The following SIPA1L3 variants were observed in gnomAD, a reference collection of about 807,000 sequenced individuals.
SIPA1L3 encodes the protein signal-induced proliferation-associated 1-like protein 3.
SIPA1L3 carries 59 observed loss-of-function variants against 150.1 expected under a neutral mutation model. That is an observed-to-expected ratio of 0.39 (90% CI 0.32 to 0.49). SIPA1L3 has a LOEUF of 0.49. Ranked by LOEUF, SIPA1L3 falls within the 20% of genes least tolerant of loss-of-function variation. The pLI is 0.86. For synonymous variants in SIPA1L3, 1,070 were observed against 1,077.6 expected (o/e 0.99, Z 0.14); for missense variants, 2,211 against 2,489.5 (o/e 0.89, Z 2.38).
intron 1 of SIPA1L3, among the ~76,000 whole-genome samples, chr19:37,978,755 A>G (rs920332818): frequency 3.3e-5 from 5 of 151,678 alleles, no homozygotes; most frequent in Admixed American, 2.6e-4. Flanking sequence ...CGGGAGGATC[A>G]CTGGAGTCCA....
chr19:37,960,489 C>T (rs950603638), intron 1 of SIPA1L3, among the ~76,000 whole-genome samples: 1 of 151,650 alleles, frequency 6.6e-6, no homozygotes, highest in Non-Finnish European at 1.5e-5. Context: ...CTGCAAGCTC[C>T]GCCTGCTGGG....
At chr19:38,098,392 A>AT (rs71179411) in intron 4 of SIPA1L3, among the ~76,000 whole-genome samples, 4,608 of 113,664 alleles carry the variant, frequency 0.041, 259 homozygotes, top group African/African-American at 0.12. Flanking sequence ...AGGGGCTTTC[A>AT]TTTTTTTTTT....
intron 3 of SIPA1L3, among the ~76,000 whole-genome samples, chr19:38,088,030 C>T (rs1320096180): frequency 6.6e-6 from 1 of 152,106 alleles, no homozygotes; most frequent in Non-Finnish European, 1.5e-5. Context: ...AGAAAAAAAG[C>T]AGTGTTGAAG....
chr19:38,030,533 T>C (rs982049668), intron 2 of SIPA1L3, among the ~76,000 whole-genome samples: 1 of 151,362 alleles, frequency 6.6e-6, no homozygotes, highest in African/African-American at 2.4e-5. Flanking sequence ...AACCTAAAAA[T>C]TTAAATAAAT....
intron 16 of SIPA1L3, among the ~76,000 whole-genome samples, chr19:38,186,651 G>A (rs527313662): frequency 8.5e-4 from 126 of 147,784 alleles, no homozygotes; most frequent in African/African-American, 3.0e-3. Flanking sequence ...CACCGCACCC[G>A]GCCCCTTTTC....
intron 6 of SIPA1L3, among the ~76,000 whole-genome samples, 200 bp downstream of exon 6, chr19:38,101,426 T>G (rs1294302042): frequency 1.3e-5 from 2 of 152,156 alleles, no homozygotes; most frequent in Non-Finnish European, 2.9e-5. Context: ...TTGTTGTTTT[T>G]GAGACAGAGT....
rs966975913 is a variant in SIPA1L3 at position 38,078,208 on chromosome 19, C to T, written c.-310-3048C>T. Reference sequence around the variant, plus strand: ...TGTAGCCCATCCCTGTGCTGCCTCCCGGCAACATCTTCAGGATCGTTTGTG... The same window carrying T: ...TGTAGCCCATCCCTGTGCTGCCTCCTGGCAACATCTTCAGGATCGTTTGTG... On this transcript the variant is annotated intron_variant, in intron 2 of 21. Coordinates refer to ENST00000222345, the MANE Select transcript of SIPA1L3 (RefSeq NM_015073.3). Among the ~76,000 whole-genome samples, 30 of 152,200 alleles carry T rather than the reference C, an allele frequency of 2.0e-4. No homozygotes were observed. The South Asian group carries it at 6.0e-3, about 31-fold the overall frequency.
At chr19:38,074,217 G>A (rs1969786306) in intron 2 of SIPA1L3, among the ~76,000 whole-genome samples, 1 of 152,220 alleles carries the variant, frequency 6.6e-6, no homozygotes, top group Admixed American at 6.5e-5. Flanking sequence ...AGACTCGACT[G>A]CAGCTGCTAG....
At chr19:38,137,573 T>A (rs1232661299) in intron 10 of SIPA1L3, among the ~76,000 whole-genome samples, 1 of 152,060 alleles carries the variant, frequency 6.6e-6, no homozygotes, top group Non-Finnish European at 1.5e-5. Context: ...ATGCTGGGAT[T>A]ATAGGTGTGA....
Position 38,130,690 on chromosome 19 carries a change from G to A in SIPA1L3, c.3061G>A (p.Asp1021Asn), listed in dbSNP as rs150829300. 75 of 1,614,070 alleles carry A rather than the reference G, an allele frequency of 4.6e-5. No individual in the cohort carries two copies. Among genetic ancestry groups the A allele is most frequent in the Non-Finnish European group, 5.8e-5 (69 of 1,180,046 alleles). ...CKVAVVTLTH[D>N]QMIDLLRTSV... ...GGTGGCCGTGGTCACACTGACCCAC[G>A]ACCAGATGATCGACCTGCTGCGCAC... The change falls in exon 10 of 22, where the codon GAC becomes AAC. Residue 1021 changes from aspartate to asparagine, a missense_variant. Physicochemically the swap from Asp to Asn is conservative, Grantham distance 23. This residue lies in a region of SIPA1L3 where 625 missense variants were observed against 804.2 expected (regional missense o/e 0.78). Coordinates refer to ENST00000222345, the MANE Select transcript of SIPA1L3 (RefSeq NM_015073.3).
intron 9 of SIPA1L3, among the ~76,000 whole-genome samples, chr19:38,122,933 G>T (rs1019665238): frequency 6.6e-6 from 1 of 152,168 alleles, no homozygotes; most frequent in African/African-American, 2.4e-5. Context: ...CACGCGCTTT[G>T]CCTGCTTAAC....
Position 38,179,144 on chromosome 19 carries a change from T to C in SIPA1L3, c.4209-3375T>C, listed in dbSNP as rs544430663. Among the ~76,000 whole-genome samples the C allele has an allele frequency of 3.9e-5, 6 of 152,332 alleles. No individual in the cohort carries two copies. In the East Asian group the frequency reaches 9.6e-4, roughly 24 times the overall value. On this transcript the variant is annotated intron_variant, in intron 15 of 21. Coordinates refer to ENST00000222345, the MANE Select transcript of SIPA1L3 (RefSeq NM_015073.3). Reference sequence around the variant, plus strand: ...CCTTACTGCCTTATACTGTAGTAAATAAATACAGTTTCAGGCCGGATGTGG... The same window carrying C: ...CCTTACTGCCTTATACTGTAGTAAACAAATACAGTTTCAGGCCGGATGTGG...
Position 38,195,793 on chromosome 19 carries a change from TC to T in SIPA1L3, c.4840+2021del, listed in dbSNP as rs528922318. ...GAGTCAGGCACCACCACAGGCCCCG[TC>T]CCCCCCCGCCCCCCCGGGTTTCTCT... On this transcript the variant is annotated intron_variant, in intron 18 of 21. Transcript: ENST00000222345. Among the ~76,000 whole-genome samples the T allele has an allele frequency of 4.5e-4, 9 of 20,038 alleles. 1 individual carries two copies. The highest frequency in any genetic ancestry group is 2.4e-3 in the African/African-American group (8 of 3,374). 13.1% of individuals were successfully genotyped at this position (20,038 alleles called of 152,430 possible).
chr19:37,980,674 AC>A (rs36052216), intron 1 of SIPA1L3, among the ~76,000 whole-genome samples: 42,052 of 151,918 alleles, frequency 0.28, 6,899 homozygotes, highest in East Asian at 0.61. Flanking sequence ...CAATGGAGGA[AC>A]CGTGCCTTTA....
At chr19:37,976,955 C>T (rs146351584) in intron 1 of SIPA1L3, among the ~76,000 whole-genome samples, 4 of 152,216 alleles carry the variant, frequency 2.6e-5, no homozygotes, top group African/African-American at 7.2e-5. Context: ...CCATCTCAGC[C>T]GCCTGAGTAG....
chr19:37,918,321 G>A (rs60850160), intron 1 of SIPA1L3, among the ~76,000 whole-genome samples: 7 of 151,760 alleles, frequency 4.6e-5, no homozygotes, highest in Middle Eastern at 3.4e-3. Flanking sequence ...GTGCAGTGGC[G>A]CGATCTTGGC....
chr19:38,132,477 G>A (rs1450403291), intron 10 of SIPA1L3, among the ~76,000 whole-genome samples: 3 of 149,738 alleles, frequency 2.0e-5, no homozygotes, highest in African/African-American at 7.4e-5. Flanking sequence ...CCAGCTACTC[G>A]GGAGGCTGAG....
Position 38,201,566 on chromosome 19 carries a change from G to T in SIPA1L3, c.4985-296G>T, listed in dbSNP as rs556115134. Among the ~76,000 whole-genome samples, 10 of 152,318 alleles carry T rather than the reference G, an allele frequency of 6.6e-5. No homozygotes were observed. The South Asian group carries it at 8.3e-4, about 13-fold the overall frequency. On this transcript the variant is annotated intron_variant, in intron 19 of 21. Transcript: ENST00000222345. Reference sequence around the variant, plus strand: ...TGAGAGCACGCCAGGTTCGGAATCCGGTCGGTTGCTAGCTCGCACTCTCAT... The same window carrying T: ...TGAGAGCACGCCAGGTTCGGAATCCTGTCGGTTGCTAGCTCGCACTCTCAT...
At chr19:37,963,435 C>G (rs901110062) in intron 1 of SIPA1L3, among the ~76,000 whole-genome samples, 1 of 152,220 alleles carries the variant, frequency 6.6e-6, no homozygotes, top group South Asian at 2.1e-4. Flanking sequence ...GCTGCTGGCT[C>G]CAGCCAGATC....
Sources: allele counts gnomAD v4.1 joint callset (sites outside exome capture counted in the v4.1 genomes callset), GRCh38; gene constraint gnomAD v4.1.1; regional missense constraint gnomAD v4.1.1; transcripts MANE v1.5; gene names NCBI Gene and HGNC (gene_info 2026-07-23, HGNC 2026-07-21).